The following RASA2 variants were observed in gnomAD, a reference collection of about 807,000 sequenced individuals.
RASA2 encodes ras GTPase-activating protein 2.
Under a neutral mutation model 118.2 loss-of-function variants are expected in RASA2, and 155 were observed. The ratio of observed to expected loss-of-function variants is 1.31; its 90% CI spans 1.15 to 1.50. The LOEUF is 1.50. Ranked by LOEUF, RASA2 falls within the 40% of genes most tolerant of loss-of-function variation. The pLI is 0.00. For synonymous variants in RASA2, 353 were observed against 349.1 expected (o/e 1.01, Z -0.12); for missense variants, 1,016 against 1,009.6 (o/e 1.01, Z -0.09).
intron 11 of RASA2, 78 bp from the exon 12 acceptor site, chr3:141,572,531 T>C: frequency 1.0e-6 from 1 of 1,002,398 alleles, no homozygotes; most frequent in South Asian, 1.3e-5. Context: ...GCTTCTTTCT[T>C]AAATTGGTCA....
intron 3 of RASA2, among the ~76,000 whole-genome samples, chr3:141,523,132 A>AT (rs200172484): frequency 0.019 from 2,719 of 141,068 alleles, 49 homozygotes; most frequent in African/African-American, 0.053. Context: ...AGATAATCCC[A>AT]TTTTTTTTTT....
At chr3:141,525,696 A>G (rs999367124) in intron 3 of RASA2, 2 of 152,082 alleles carry the variant, frequency 1.3e-5, no homozygotes, top group African/African-American at 2.4e-5. Context: ...ACTTCTGGCT[A>G]CTTGGGAGGC....
At chr3:141,564,081 C>G (rs916096829) in intron 9 of RASA2, among the ~76,000 whole-genome samples, 3 of 150,986 alleles carry the variant, frequency 2.0e-5, no homozygotes, top group African/African-American at 7.3e-5. Flanking sequence ...CAGGAGTGAA[C>G]CCTTCTGGAG....
intron 17 of RASA2, among the ~76,000 whole-genome samples, chr3:141,584,357 A>G (rs569588487): frequency 0.011 from 1,553 of 136,972 alleles, 14 homozygotes; most frequent in Non-Finnish European, 0.018. Context: ...AAAAAAAAAG[A>G]AAGGAAAAAG....
intron 1 of RASA2, among the ~76,000 whole-genome samples, chr3:141,494,561 G>T (rs1453394132): frequency 6.6e-6 from 1 of 152,102 alleles, no homozygotes; most frequent in Non-Finnish European, 1.5e-5. Flanking sequence ...TAGAGACGGG[G>T]TTTCACCATG....
At chr3:141,572,327 A>G (rs1277890874) in intron 11 of RASA2, among the ~76,000 whole-genome samples, 1 of 152,026 alleles carries the variant, frequency 6.6e-6, no homozygotes, top group Admixed American at 6.6e-5. Context: ...CCTGACTTCA[A>G]GCGATCCACC....
intron 1 of RASA2, among the ~76,000 whole-genome samples, chr3:141,511,359 C>T (rs1202548769): frequency 6.6e-6 from 1 of 151,888 alleles, no homozygotes; most frequent in Non-Finnish European, 1.5e-5. Context: ...CCATATACTG[C>T]AGAGTTGGCA....
chr3:141,511,190 G>A (rs1559997300), intron 1 of RASA2, among the ~76,000 whole-genome samples: 1 of 152,104 alleles, frequency 6.6e-6, no homozygotes, highest in Non-Finnish European at 1.5e-5. Flanking sequence ...CTGGGGAAAG[G>A]GCACATCTTG....
At chr3:141,510,343 G>A (rs1183776502) in intron 1 of RASA2, among the ~76,000 whole-genome samples, 1 of 152,112 alleles carries the variant, frequency 6.6e-6, no homozygotes, top group African/African-American at 2.4e-5. Context: ...ACTTGTGTAT[G>A]TCCTTTGAGC....
At chr3:141,563,579 TGC>T (rs1461469165) in intron 9 of RASA2, among the ~76,000 whole-genome samples, 1 of 152,222 alleles carries the variant, frequency 6.6e-6, no homozygotes, top group Non-Finnish European at 1.5e-5. Context: ...GATTACTGTG[TGC>T]CAGGAACTAT....
chr3:141,514,762 G>A (rs2081998241), intron 2 of RASA2, among the ~76,000 whole-genome samples: 1 of 152,268 alleles, frequency 6.6e-6, no homozygotes, highest in South Asian at 2.1e-4. Flanking sequence ...GCCCAAACTG[G>A]AAACAACTCA....
intron 19 of RASA2, among the ~76,000 whole-genome samples, chr3:141,601,057 A>C (rs1205007989): frequency 6.6e-6 from 1 of 152,140 alleles, no homozygotes; most frequent in Non-Finnish European, 1.5e-5. Flanking sequence ...GCTTTTTAAC[A>C]TATGGTGCAG....
At chr3:141,516,132 A>G (rs1404410063) in intron 2 of RASA2, among the ~76,000 whole-genome samples, 196 bp from the exon 3 acceptor site, 2 of 151,542 alleles carry the variant, frequency 1.3e-5, no homozygotes, top group East Asian at 3.9e-4. Context: ...GCACACCAAC[A>G]TGGCACATGT....
chr3:141,544,838 A>C, intron 5 of RASA2, among the ~76,000 whole-genome samples: 1 of 152,262 alleles, frequency 6.6e-6, no homozygotes, highest in East Asian at 1.9e-4. Flanking sequence ...CTTTGCAGGA[A>C]CATAGGCGGA....
intron 5 of RASA2, among the ~76,000 whole-genome samples, chr3:141,548,310 A>C (rs529318985): frequency 6.6e-6 from 1 of 152,244 alleles, no homozygotes; most frequent in South Asian, 2.1e-4. Flanking sequence ...ATCAGGTCCC[A>C]GGCTTTTCTT....
intron 6 of RASA2, 92 bp downstream of exon 6, chr3:141,554,032 G>A: frequency 9.4e-6 from 14 of 1,488,870 alleles, no homozygotes; most frequent in Non-Finnish European, 1.3e-5. Context: ...ATGATAAATA[G>A]CTATTTATAA....
intron 23 of RASA2, among the ~76,000 whole-genome samples, chr3:141,611,733 A>G (rs1321852973): frequency 6.6e-6 from 1 of 152,190 alleles, no homozygotes; most frequent in South Asian, 2.1e-4. Context: ...ATAAAAATCA[A>G]TTTGACAAGT....
intron 1 of RASA2, among the ~76,000 whole-genome samples, chr3:141,510,858 A>C (rs890656580): frequency 6.6e-6 from 1 of 152,220 alleles, no homozygotes; most frequent in African/African-American, 2.4e-5. Flanking sequence ...ATAGAAAGAT[A>C]ATTTTATTCT....
At position 141,509,143 on chromosome 3, in the gene RASA2, C is replaced by T. The variant is rs78292363; in HGVS notation, c.134-3020C>T. 7.2e-3 allele frequency among the ~76,000 whole-genome samples: 1,088 copies of T among 152,136 alleles called. 15 individuals are homozygous for T. Among genetic ancestry groups the T allele is most frequent in the African/African-American group, 0.025 (1,043 of 41,510 alleles). ...ATATTTGTACAATTGATTGTTGAGC[C>T]GGGCATTGATTAGATGAATTAACTT... On this transcript the variant is annotated intron_variant, in intron 1 of 23. Transcript: ENST00000286364.
Sources: gnomAD v4.1 joint callset for allele counts (sites outside exome capture counted in the v4.1 genomes callset) on GRCh38, gnomAD v4.1.1 for gene constraint, MANE v1.5 for transcripts, NCBI Gene and HGNC (gene_info 2026-07-23, HGNC 2026-07-21) for gene names.